Variants in EML4 observed in about 807,000 individuals in gnomAD.
The protein encoded by EML4 is EMAP like 4, also known as echinoderm microtubule-associated protein-like 4.
EML4 carries 72 observed loss-of-function variants against 129.0 expected under a neutral mutation model. That is an observed-to-expected ratio of 0.56 (90% confidence interval 0.46 to 0.68). The LOEUF (loss-of-function observed/expected upper bound fraction) is 0.68, where lower values mean the gene tolerates loss of function less well. Among genes scored for constraint, EML4 ranks in the 30% least tolerant of loss-of-function variants. The pLI, the probability that EML4 is intolerant of heterozygous loss-of-function variation, is 0.00. For missense variants in EML4, 1,363 were observed against 1,190.6 expected, an observed-to-expected ratio of 1.14 and a Z score of -2.13; for synonymous variants, 532 against 405.0, an observed-to-expected ratio of 1.31 and a Z score of -3.77.
At chr2:42,182,158 C>CTT (rs36105464) in intron 1 of EML4, among the ~76,000 whole-genome samples, 2,265 of 126,186 alleles carry the variant, frequency 0.018, 59 homozygotes, top group African/African-American at 0.06. Flanking sequence ...AAAAATTCTT[C>CTT]TTTTTTTTTT....
At chr2:42,222,735 T>C (rs1301737610) in intron 1 of EML4, among the ~76,000 whole-genome samples, 1 of 152,202 alleles carries the variant, frequency 6.6e-6, no homozygotes, top group African/African-American at 2.4e-5. Flanking sequence ...TATATATCCA[T>C]TGATCATGCA....
At chr2:42,176,493 C>T (rs895607442) in intron 1 of EML4, among the ~76,000 whole-genome samples, 7 of 152,220 alleles carry the variant, frequency 4.6e-5, no homozygotes, top group Admixed American at 3.3e-4. Context: ...TCATCTCTTT[C>T]TACTGTCTTA....
chr2:42,176,454 A>G (rs1163326427), intron 1 of EML4, among the ~76,000 whole-genome samples: 21 of 152,288 alleles, frequency 1.4e-4, no homozygotes. Context: ...CAAACATCTT[A>G]GCCTCTTAAC....
intron 4 of EML4, among the ~76,000 whole-genome samples, chr2:42,261,900 G>A (rs1405456878): frequency 1.3e-5 from 2 of 152,194 alleles, no homozygotes; most frequent in Non-Finnish European, 2.9e-5. Flanking sequence ...GGGGAAAAGG[G>A]AGAAATATTC....
chr2:42,245,094 C>CTTTCTTTTTTTTTTTTTTTTTTTTTTT (rs1336279430), intron 1 of EML4, among the ~76,000 whole-genome samples: 1 of 66,562 alleles, frequency 1.5e-5, no homozygotes, highest in African/African-American at 6.5e-5. Context: ...AATTTTCTTT[C>CTTTCTTTTTTTTTTTTTTTTTTTTTTT]TTTTTTTTTT....
At chr2:42,233,369 G>A (rs539210014) in intron 1 of EML4, among the ~76,000 whole-genome samples, 3 of 150,276 alleles carry the variant, frequency 2.0e-5, no homozygotes, top group Non-Finnish European at 1.5e-5. Flanking sequence ...GCAGTGGCGC[G>A]ATCTCAGCTC....
chr2:42,235,417 C>G (rs752003309), intron 1 of EML4, among the ~76,000 whole-genome samples: 74 of 152,110 alleles, frequency 4.9e-4, no homozygotes, highest in Non-Finnish European at 9.3e-4. Flanking sequence ...GAGCTGAGAT[C>G]ATGCCACCGT....
At chr2:42,183,136 C>G (rs1330073972) in intron 1 of EML4, among the ~76,000 whole-genome samples, 1 of 152,062 alleles carries the variant, frequency 6.6e-6, no homozygotes, top group African/African-American at 2.4e-5. Flanking sequence ...ACCTGGGTGA[C>G]GGAGTGGTGA....
intron 3 of EML4, among the ~76,000 whole-genome samples, chr2:42,259,993 G>A (rs1260031873): frequency 1.3e-5 from 2 of 151,314 alleles, no homozygotes; most frequent in Non-Finnish European, 2.9e-5. Context: ...GCCTCCCAGA[G>A]TGCTGGGATT....
chr2:42,208,515 A>G (rs577988320), intron 1 of EML4, among the ~76,000 whole-genome samples: 5 of 150,608 alleles, frequency 3.3e-5, no homozygotes, highest in Admixed American at 1.3e-4. Context: ...GCTGATTGCA[A>G]CCTCCGCCCT....
intron 1 of EML4, among the ~76,000 whole-genome samples, chr2:42,238,734 C>T (rs1674838472): frequency 6.6e-6 from 1 of 151,960 alleles, no homozygotes; most frequent in Non-Finnish European, 1.5e-5. Context: ...ACTGCCTCAG[C>T]CCCTGAATTA....
chr2:42,325,181 G>C (rs544384398), intron 19 of EML4: 10 of 536,812 alleles, frequency 1.9e-5, no homozygotes, highest in South Asian at 1.3e-4. Context: ...GGTATGTGTT[G>C]CAATGTCCTG....
rs1291904807 is a variant in EML4, at chr2:42,328,900, G to T, written c.2356G>T (p.Gly786Ter). 1 of 1,608,372 alleles carries T rather than the reference G, an allele frequency of 6.2e-7. No individual in the cohort carries two copies. The highest frequency in any genetic ancestry group is 1.3e-5 in the African/African-American group (1 of 74,826). ...GFQVFGVWPE[G>*]SDGTDINALV... Reference sequence around the variant, plus strand: ...CCATATCAAAGGTGTCTGGCCAGAAGGATCTGATGGGACAGATATCAATGC... The same window carrying T: ...CCATATCAAAGGTGTCTGGCCAGAATGATCTGATGGGACAGATATCAATGC... Residue 786 changes from glycine (G) to a stop codon, truncating the protein, a stop_gained, in exon 22 of 23, where the codon GGA becomes TGA. Transcript: ENST00000318522. LOFTEE classifies it high-confidence loss of function.
intron 13 of EML4, among the ~76,000 whole-genome samples, chr2:42,297,094 C>T (rs1668001095): frequency 6.6e-6 from 1 of 152,178 alleles, no homozygotes; most frequent in South Asian, 2.1e-4. Context: ...TATTCTTAGC[C>T]TCTTTCGTTC....
At chr2:42,242,172 A>G (rs1288785892) in intron 1 of EML4, among the ~76,000 whole-genome samples, 1 of 152,192 alleles carries the variant, frequency 6.6e-6, no homozygotes, top group Non-Finnish European at 1.5e-5. Context: ...CTGATGATCT[A>G]GTAGTTCAGC....
At chr2:42,191,717 T>C (rs1382217407) in intron 1 of EML4, among the ~76,000 whole-genome samples, 1 of 152,230 alleles carries the variant, frequency 6.6e-6, no homozygotes, top group East Asian at 1.9e-4. Context: ...TCAGTTCTCT[T>C]TGCCGTTGCC....
intron 6 of EML4, among the ~76,000 whole-genome samples, chr2:42,271,984 C>T (rs1666397583): frequency 6.6e-6 from 1 of 151,628 alleles, no homozygotes; most frequent in Admixed American, 6.6e-5. Context: ...TGTCTGTTGT[C>T]CCCACCTACT....
At chr2:42,201,998 G>A (rs1475842715) in intron 1 of EML4, among the ~76,000 whole-genome samples, 8 of 151,866 alleles carry the variant, frequency 5.3e-5, no homozygotes, top group Non-Finnish European at 1.0e-4. Context: ...CAGGAGACTC[G>A]CTTGAACTCG....
intron 10 of EML4, among the ~76,000 whole-genome samples, chr2:42,286,781 T>C (rs953735994): frequency 2.0e-5 from 3 of 152,228 alleles, no homozygotes; most frequent in Non-Finnish European, 2.9e-5. Flanking sequence ...GCCAGTTCTG[T>C]ACAAATATTG....
Sources: gnomAD v4.1 joint callset for allele counts (sites outside exome capture counted in the v4.1 genomes callset) on GRCh38, gnomAD v4.1.1 for gene constraint, MANE v1.5 for transcripts, NCBI Gene and HGNC (gene_info 2026-07-23, HGNC 2026-07-21) for gene names.